The following C1QTNF9 variants were observed in gnomAD, a reference collection of about 807,000 sequenced individuals.
C1QTNF9 encodes the protein complement C1q and tumor necrosis factor-related protein 9A.
In C1QTNF9, 6 loss-of-function variants were observed where a neutral mutation model predicts 10.1. The observed-to-expected ratio is 0.59, with a 90% CI of 0.32 to 1.17. The LOEUF (loss-of-function observed/expected upper bound fraction) is 1.17, where lower values mean the gene tolerates loss of function less well. Ranked by LOEUF, C1QTNF9 falls within the 50% of genes most tolerant of loss-of-function variation. The probability of loss-of-function intolerance (pLI) is 0.04; values close to 1 mark genes in which losing one functional copy is unlikely to be tolerated. For synonymous variants in C1QTNF9, 98 were observed against 163.5 expected (o/e 0.60, Z 3.06); for missense variants, 201 against 418.8 (o/e 0.48, Z 4.54).
At chr13:24,313,999 T>C (rs1193904763) in intron 1 of C1QTNF9, among the ~76,000 whole-genome samples, 1 of 152,188 alleles carries the variant, frequency 6.6e-6, no homozygotes, top group Non-Finnish European at 1.5e-5. Flanking sequence ...TATTGTTACA[T>C]AGTATGTAGT....
chr13:24,321,773 G>A (rs752319085), exon 4 of C1QTNF9: 1 of 1,546,174 alleles, frequency 6.5e-7, no homozygotes, highest in Non-Finnish European at 8.7e-7. Context: ...CCGTGACAGA[G>A]GAGAGTTTAA....
upstream of C1QTNF9, among the ~76,000 whole-genome samples, chr13:24,309,261 A>G (rs1877719316): frequency 6.9e-6 from 1 of 145,130 alleles, no homozygotes; most frequent in Admixed American, 6.8e-5. Flanking sequence ...CGTTGTGCAC[A>G]TGTACACTAG....
exon 4 of C1QTNF9, chr13:24,321,449 A>G (rs756266551): frequency 6.2e-7 from 1 of 1,613,270 alleles, no homozygotes; most frequent in Non-Finnish European, 8.5e-7. Context: ...AAGATCCTGT[A>G]TAACGAATTC....
At chr13:24,312,151 C>T (rs1877850545) in intron 1 of C1QTNF9, among the ~76,000 whole-genome samples, 1 of 152,228 alleles carries the variant, frequency 6.6e-6, no homozygotes, top group Non-Finnish European at 1.5e-5. Flanking sequence ...CAGTCACCTT[C>T]CCAAGTGATG....
intron 1 of C1QTNF9, among the ~76,000 whole-genome samples, chr13:24,314,643 G>T (rs996263870): frequency 6.6e-6 from 1 of 152,138 alleles, no homozygotes; most frequent in African/African-American, 2.4e-5. Flanking sequence ...TTGCACTCCA[G>T]CTTGGGCCAC....
rs188765599 is a variant in C1QTNF9, at chr13:24,310,803, G to A, written c.-23+1187G>A. ...GGTGGGCGCCTGTAGTCCCAGCTAC[G>A]CGGGAGGCTGAGGCAGGAGAATGGC... On this transcript the variant is annotated intron_variant, in intron 1 of 3. Transcript: ENST00000332018. 5.1e-3 allele frequency among the ~76,000 whole-genome samples: 771 copies of A among 151,342 alleles called. 6 individuals carry two copies. Among genetic ancestry groups the A allele is most frequent in the African/African-American group, 0.017 (698 of 41,232 alleles).
At chr13:24,310,885 C>T (rs1448035108) in intron 1 of C1QTNF9, among the ~76,000 whole-genome samples, 2 of 139,784 alleles carry the variant, frequency 1.4e-5, no homozygotes, top group African/African-American at 5.5e-5. Context: ...GCACTCCAGC[C>T]TGGGCAACAG....
At chr13:24,308,952 A>G (rs55904813), upstream of C1QTNF9, among the ~76,000 whole-genome samples, 17,999 of 152,054 alleles carry the variant, frequency 0.12, 1,158 homozygotes, top group Middle Eastern at 0.25. Context: ...GGAGTGTGTG[A>G]TTGTGAGAGG....
chr13:24,310,001 T>C (rs1877748935), intron 1 of C1QTNF9, among the ~76,000 whole-genome samples: 1 of 152,010 alleles, frequency 6.6e-6, no homozygotes. Flanking sequence ...TTCAAGCAAT[T>C]ATCTGCCTCA....
At chr13:24,308,565 G>C (rs1252145536), upstream of C1QTNF9, among the ~76,000 whole-genome samples, 1 of 152,244 alleles carries the variant, frequency 6.6e-6, no homozygotes, top group Non-Finnish European at 1.5e-5. Flanking sequence ...ATTGAGGCAC[G>C]GGGGCGAGTA....
At position 24,318,799 on chromosome 13, in the gene C1QTNF9, T is replaced by C. The variant is rs769112380; in HGVS notation, c.167-19T>C. The C allele has an allele frequency of 9.9e-6, 16 of 1,614,094 alleles. No individual in the cohort carries two copies. In the South Asian group the frequency reaches 1.8e-4, roughly 18 times the overall value. On this transcript the variant is annotated intron_variant, in intron 2 of 3. Transcript: ENST00000332018. Reference sequence around the variant, plus strand: ...AAATGGAATTTCAACTCATGCCTGTTTTCTGCTTTTCCACCTAGGAGAACC... The same window carrying C: ...AAATGGAATTTCAACTCATGCCTGTCTTCTGCTTTTCCACCTAGGAGAACC...
At chr13:24,308,028 G>A (rs566938754), upstream of C1QTNF9, among the ~76,000 whole-genome samples, 72 of 152,346 alleles carry the variant, frequency 4.7e-4, no homozygotes, top group African/African-American at 1.7e-3. Context: ...AGTGAGTGGG[G>A]TGTCAGCAAA....
At chr13:24,312,954 CA>C (rs34668112) in intron 1 of C1QTNF9, among the ~76,000 whole-genome samples, 147 of 115,830 alleles carry the variant, frequency 1.3e-3, no homozygotes, top group Admixed American at 2.1e-3. Flanking sequence ...GACTCTATCT[CA>C]AAAAAAAAAA....
Position 24,318,012 on chromosome 13 carries a change from C to A in C1QTNF9, c.167-806C>A, listed in dbSNP as rs944546797. On this transcript the variant is annotated intron_variant, in intron 2 of 3. Transcript: ENST00000332018. ...TGCCTGTGTCAGTCCTGTCTCAGGA[C>A]CTGCAAGCCGGCCCAGCCTGCCCCT... Among the ~76,000 whole-genome samples, 39 of 152,282 alleles carry A rather than the reference C, an allele frequency of 2.6e-4. No homozygotes were observed. In the South Asian group the frequency reaches 5.6e-3, roughly 22 times the overall value.
chr13:24,319,111 TGTA>T (rs1878153192), intron 3 of C1QTNF9, among the ~76,000 whole-genome samples: 1 of 152,150 alleles, frequency 6.6e-6, no homozygotes, highest in Admixed American at 6.5e-5. Context: ...AACTTCCCCT[TGTA>T]GTGAAAAGAA....
intron 1 of C1QTNF9, among the ~76,000 whole-genome samples, chr13:24,311,657 C>T (rs1432268765): frequency 2.6e-5 from 4 of 152,196 alleles, no homozygotes; most frequent in South Asian, 2.1e-4. Flanking sequence ...CCTTGGGCAG[C>T]GCATGCCTTG....
At chr13:24,318,595 G>A (rs569749993) in intron 2 of C1QTNF9, among the ~76,000 whole-genome samples, 2 of 152,234 alleles carry the variant, frequency 1.3e-5, no homozygotes, top group East Asian at 1.9e-4. Flanking sequence ...CGCTTGGGAA[G>A]TCACTCAGTT....
At chr13:24,316,235 A>C (rs1282922134) in intron 2 of C1QTNF9, 66 bp downstream of exon 2, 1 of 1,517,870 alleles carries the variant, frequency 6.6e-7, no homozygotes, top group African/African-American at 1.4e-5. Flanking sequence ...TCATTCACTC[A>C]TCATCTGTGT....
rs185437549 is a variant in C1QTNF9, at chr13:24,318,643, C to T, written c.167-175C>T. Among the ~76,000 whole-genome samples the T allele has an allele frequency of 2.0e-5, 3 of 152,362 alleles. No homozygotes were observed. In the East Asian group the frequency reaches 5.8e-4, roughly 29 times the overall value. ...CACTTATCCCACGCAGCTCAGCACC[C>T]CAGATGCCCGCTCATGCCTGCCTCT... On this transcript the variant is annotated intron_variant, in intron 2 of 3. Transcript: ENST00000332018.
Sources: gnomAD v4.1 joint callset for allele counts (sites outside exome capture counted in the v4.1 genomes callset) on GRCh38, gnomAD v4.1.1 for gene constraint, MANE v1.5 for transcripts, NCBI Gene and HGNC (gene_info 2026-07-23, HGNC 2026-07-21) for gene names.